The following ACTN1 variants were observed in gnomAD, a reference collection of about 807,000 sequenced individuals.
ACTN1 encodes the protein actinin alpha 1.
Under a neutral mutation model 119.6 loss-of-function variants are expected in ACTN1, and 30 were observed. That is an observed-to-expected ratio of 0.25 (90% confidence interval 0.19 to 0.34). ACTN1 has a LOEUF of 0.34. Among genes scored for constraint, ACTN1 ranks in the 10% least tolerant of loss-of-function variants. The probability of loss-of-function intolerance (pLI) is 1.00; values close to 1 mark genes in which losing one functional copy is unlikely to be tolerated. For synonymous variants in ACTN1, 429 were observed against 472.6 expected (o/e 0.91, Z 1.20); for missense variants, 764 against 1,223.4 (o/e 0.62, Z 5.60).
chr14:68,920,574 G>C (rs1272638578), intron 3 of ACTN1, among the ~76,000 whole-genome samples: 1 of 152,146 alleles, frequency 6.6e-6, no homozygotes, highest in Non-Finnish European at 1.5e-5. Flanking sequence ...GTTCCTAGAG[G>C]CTTCGGGACT....
chr14:68,937,387 G>C (rs1034192754), intron 1 of ACTN1, among the ~76,000 whole-genome samples: 2 of 152,072 alleles, frequency 1.3e-5, no homozygotes, highest in African/African-American at 2.4e-5. Context: ...GAGGAAAAAG[G>C]ATGTTTCCAA....
In ACTN1 at chr14:68,924,607, G is replaced by A. The variant is rs544505615; in HGVS notation, c.220+951C>T. 2.3e-4 allele frequency among the ~76,000 whole-genome samples: 35 copies of A among 152,350 alleles called. 1 individual carries two copies. Among genetic ancestry groups the A allele is most frequent in the African/African-American group, 8.2e-4 (34 of 41,578 alleles). On this transcript the variant is annotated intron_variant, in intron 2 of 21. Transcript: ENST00000394419. ...GAGAGGGAACAGTGTGACCATATTTGGACTGACTGTCGGACAAGCCCTCTG... is the reference window on the plus strand; with the variant it reads ...GAGAGGGAACAGTGTGACCATATTTAGACTGACTGTCGGACAAGCCCTCTG...
chr14:68,910,755 T>C (rs1036540328), intron 4 of ACTN1, among the ~76,000 whole-genome samples: 11 of 152,290 alleles, frequency 7.2e-5, no homozygotes, highest in Non-Finnish European at 1.5e-4. Context: ...TGGGAGATGA[T>C]TGAGTCGTGG....
At chr14:68,940,085 CG>C (rs1292191748) in intron 1 of ACTN1, among the ~76,000 whole-genome samples, 1 of 152,220 alleles carries the variant, frequency 6.6e-6, no homozygotes, top group Admixed American at 6.5e-5. Flanking sequence ...GCCTCCTCCC[CG>C]GTCCTCCGGG....
rs746977827 is a variant in ACTN1 at position 68,893,616 on chromosome 14, C to G, written c.855+39G>C. 2.5e-6 allele frequency: 4 copies of G among 1,596,604 alleles called. No individual in the cohort carries two copies. In the South Asian group the frequency reaches 4.4e-5, roughly 18 times the overall value. ...AGGTACACGTTCTAGGGGACTGACTCTTGCTAGAGTCAGGCCAGGTGAACC... is the reference window on the plus strand; with the variant it reads ...AGGTACACGTTCTAGGGGACTGACTGTTGCTAGAGTCAGGCCAGGTGAACC... On this transcript the variant is annotated intron_variant, in intron 9 of 21. Transcript: ENST00000394419.
chr14:68,888,078 T>C (rs2032171212), intron 11 of ACTN1: 4 of 694,082 alleles, frequency 5.8e-6, no homozygotes, highest in Non-Finnish European at 8.1e-6. Flanking sequence ...ACCTTCCCCT[T>C]GGGCATCCTG....
intron 1 of ACTN1, among the ~76,000 whole-genome samples, chr14:68,957,907 G>A (rs911804958): frequency 1.3e-5 from 2 of 152,110 alleles, no homozygotes; most frequent in African/African-American, 2.4e-5. Context: ...ATGATCGCTC[G>A]CACTTCCCTT....
At chr14:68,952,861 G>C (rs915706353) in intron 1 of ACTN1, among the ~76,000 whole-genome samples, 5 of 152,040 alleles carry the variant, frequency 3.3e-5, no homozygotes, top group Non-Finnish European at 7.4e-5. Context: ...AGTGTGGATG[G>C]AGCAGCCCCC....
chr14:68,943,543 C>T (rs2035834565), intron 1 of ACTN1, among the ~76,000 whole-genome samples: 1 of 152,160 alleles, frequency 6.6e-6, no homozygotes, highest in African/African-American at 2.4e-5. Context: ...TCCCCCCAAC[C>T]TTGAAAGGAA....
intron 1 of ACTN1, among the ~76,000 whole-genome samples, chr14:68,935,644 C>T (rs1594842273): frequency 1.3e-5 from 2 of 152,188 alleles, no homozygotes; most frequent in East Asian, 1.9e-4. Flanking sequence ...CCTTGGCTTC[C>T]CAAAGTGCTG....
intron 1 of ACTN1, among the ~76,000 whole-genome samples, chr14:68,949,762 T>C (rs1177498512): frequency 1.3e-5 from 2 of 152,212 alleles, no homozygotes; most frequent in South Asian, 2.1e-4. Flanking sequence ...CAATGGACTA[T>C]GATTCAGCCT....
At chr14:68,959,048 C>T (rs2036441523) in intron 1 of ACTN1, among the ~76,000 whole-genome samples, 1 of 152,194 alleles carries the variant, frequency 6.6e-6, no homozygotes, top group African/African-American at 2.4e-5. Flanking sequence ...TGGCAAAACC[C>T]GCGATTACTT....
intron 16 of ACTN1, chr14:68,881,198 G>A (rs1410930050): frequency 3.8e-6 from 2 of 521,638 alleles, no homozygotes; most frequent in African/African-American, 3.8e-5. Context: ...TATATAACAA[G>A]CACTGTTATC....
At chr14:68,896,851 G>T (rs1364055103) in intron 8 of ACTN1, among the ~76,000 whole-genome samples, 1 of 152,210 alleles carries the variant, frequency 6.6e-6, no homozygotes, top group Non-Finnish European at 1.5e-5. Flanking sequence ...TGTAACAGAT[G>T]TAACAGATAA....
In ACTN1 at chr14:68,909,293, C is replaced by T. The variant is rs756683917; in HGVS notation, c.594+25G>A. On this transcript the variant is annotated intron_variant, in intron 6 of 21. Transcript: ENST00000394419. This position sits in a 1 kb window ranked among gnomAD's most constrained non-coding sequence, Gnocchi z 4.1. ...CACCCCACCTGCCAGGGACCCAAAG[C>T]GGGTGGTCAGGTGGGCACACATACC... 6.8e-6 allele frequency: 11 copies of T among 1,611,566 alleles called. No individual in the cohort carries two copies. Among genetic ancestry groups the T allele is most frequent in the Admixed American group, 1.7e-5 (1 of 60,022 alleles).
chr14:68,909,546 TTTC>T lies in ACTN1; in HGVS notation c.516-153_516-151del. 1 of 719,364 alleles carries T rather than the reference TTTC, an allele frequency of 1.4e-6. No homozygotes were observed. Among genetic ancestry groups the T allele is most frequent in the Non-Finnish European group, 2.4e-6 (1 of 425,144 alleles). The allele number at this position is 719,364 out of a possible 1,614,324, so 44.6% of individuals were successfully genotyped here. A position where few individuals can be genotyped will look rare whatever the true frequency, so the allele number is the denominator to read the frequency against. ...TTAGAAGACAGGATGGGAAGGGACATTTCTTCCTGCCACAAATCCCAGGCACTA... is the reference window on the plus strand; with the variant it reads ...TTAGAAGACAGGATGGGAAGGGACATTTCCTGCCACAAATCCCAGGCACTA... On this transcript the variant is annotated intron_variant, in intron 5 of 21. Transcript: ENST00000394419. The surrounding 1 kb of genome is among the most constrained non-coding windows in gnomAD (Gnocchi z 4.1).
At chr14:68,943,335 G>A (rs1000814270) in intron 1 of ACTN1, among the ~76,000 whole-genome samples, 7 of 152,210 alleles carry the variant, frequency 4.6e-5, no homozygotes, top group African/African-American at 1.7e-4. Context: ...CACCTCTGCT[G>A]AGAAGCCCAG....
intron 1 of ACTN1, among the ~76,000 whole-genome samples, chr14:68,937,280 T>G: frequency 6.6e-6 from 1 of 152,144 alleles, no homozygotes; most frequent in East Asian, 1.9e-4. Flanking sequence ...TATATACATT[T>G]AATTGTTATG....
At chr14:68,887,611 CTT>C (rs1273122111) in intron 11 of ACTN1, 1 of 1,407,308 alleles carries the variant, frequency 7.1e-7, no homozygotes, top group Non-Finnish European at 9.5e-7. Context: ...GATTTCACCT[CTT>C]AAAAAAAAGC....
Sources: allele counts gnomAD v4.1 joint callset (sites outside exome capture counted in the v4.1 genomes callset), GRCh38; gene constraint gnomAD v4.1.1; non-coding constraint Gnocchi (gnomAD v3.1); transcripts MANE v1.5; gene names NCBI Gene and HGNC (gene_info 2026-07-23, HGNC 2026-07-21).